TMEM170A: variants seen among roughly 807,000 people sequenced by gnomAD.
TMEM170A encodes transmembrane protein 170.
TMEM170A carries 18 observed loss-of-function variants against 12.8 expected under a neutral mutation model. The observed-to-expected ratio is 1.41, with a 90% CI of 0.97 to 2.09. TMEM170A has a LOEUF of 2.09. Among genes scored for constraint, TMEM170A ranks in the 30% most tolerant of loss-of-function variants. TMEM170A has a pLI of 0.00. For missense variants in TMEM170A, 220 were observed against 179.9 expected (o/e 1.22, Z -1.28); for synonymous variants, 107 against 76.2 (o/e 1.40, Z -2.11).
At chr16:75,462,345 C>T (rs937073305) in intron 1 of TMEM170A, among the ~76,000 whole-genome samples, 1 of 152,146 alleles carries the variant, frequency 6.6e-6, no homozygotes, top group African/African-American at 2.4e-5. Flanking sequence ...TCAGCCTCCC[C>T]AGTAGCTGGG....
intron 2 of TMEM170A, among the ~76,000 whole-genome samples, chr16:75,448,635 G>A (rs1459625277): frequency 1.3e-5 from 2 of 151,958 alleles, no homozygotes; most frequent in African/African-American, 4.8e-5. Flanking sequence ...GTGGTGGCAC[G>A]TGCCTGTAAT....
chr16:75,462,314 G>C (rs2079923008), intron 1 of TMEM170A, among the ~76,000 whole-genome samples: 1 of 152,166 alleles, frequency 6.6e-6, no homozygotes, highest in Admixed American at 6.5e-5. Context: ...CTGCCTCCTG[G>C]GTTCAAGAGA....
chr16:75,463,924 T>G (rs2079949749), intron 1 of TMEM170A, among the ~76,000 whole-genome samples: 1 of 152,038 alleles, frequency 6.6e-6, no homozygotes. Context: ...GAAAGATTCC[T>G]AGAAAGCGGA....
intron 1 of TMEM170A, among the ~76,000 whole-genome samples, chr16:75,454,538 G>A (rs1055672506): frequency 6.6e-6 from 1 of 152,140 alleles, no homozygotes; most frequent in Non-Finnish European, 1.5e-5. Flanking sequence ...GGGAGGCTGA[G>A]GCAGGAGAAT....
At chr16:75,458,520 G>T (rs775401627) in intron 1 of TMEM170A, 1 of 152,230 alleles carries the variant, frequency 6.6e-6, no homozygotes, top group Non-Finnish European at 1.5e-5. Flanking sequence ...CTATGAAGAA[G>T]AAGAGCAGGC....
chr16:75,457,773 C>T (rs1301965748), intron 1 of TMEM170A, among the ~76,000 whole-genome samples: 1 of 152,186 alleles, frequency 6.6e-6, no homozygotes, highest in Non-Finnish European at 1.5e-5. Flanking sequence ...AGGCCAACAC[C>T]TCTCTGAGGT....
chr16:75,457,530 C>T (rs1291182043), intron 1 of TMEM170A, among the ~76,000 whole-genome samples: 1 of 152,182 alleles, frequency 6.6e-6, no homozygotes, highest in African/African-American at 2.4e-5. Flanking sequence ...CATCCTGGCA[C>T]CCTAATCCCA....
intron 1 of TMEM170A, among the ~76,000 whole-genome samples, chr16:75,463,715 C>T (rs372687357): frequency 6.6e-6 from 1 of 152,238 alleles, no homozygotes; most frequent in South Asian, 2.1e-4. Flanking sequence ...CAAAGCTTTT[C>T]TCCTCCTTCC....
chr16:75,464,372 G>T (rs1178566912), intron 1 of TMEM170A, 96 bp downstream of exon 1: 8 of 1,378,728 alleles, frequency 5.8e-6, no homozygotes, highest in South Asian at 1.7e-5. Context: ...CCGCCAGCAG[G>T]CTGCGCACCC....
chr16:75,455,720 G>A (rs1449291299), intron 1 of TMEM170A, among the ~76,000 whole-genome samples: 3 of 152,230 alleles, frequency 2.0e-5, no homozygotes, highest in African/African-American at 7.2e-5. Context: ...CCCGAGAATC[G>A]CTTGAACCCA....
At position 75,455,936 on chromosome 16, in the gene TMEM170A, T is replaced by C. The variant is rs547232331; in HGVS notation, c.134-4097A>G. Among the ~76,000 whole-genome samples the C allele has an allele frequency of 1.1e-4, 17 of 152,316 alleles. No homozygotes were observed. The East Asian group carries it at 3.3e-3, about 29-fold the overall frequency. On this transcript the variant is annotated intron_variant, in intron 1 of 2. Coordinates refer to ENST00000561878, the MANE Select transcript of TMEM170A (RefSeq NM_145254.3). ...GGGAGGAGAGGAGGACCAGAAGCTTTACTGAAGCTGTATTAGCACTGTAAG... is the reference window on the plus strand; with the variant it reads ...GGGAGGAGAGGAGGACCAGAAGCTTCACTGAAGCTGTATTAGCACTGTAAG...
At chr16:75,464,414 C>A (rs2079961420) in intron 1 of TMEM170A, 54 bp downstream of exon 1, 2 of 1,395,484 alleles carry the variant, frequency 1.4e-6, no homozygotes, top group Non-Finnish European at 9.3e-7. Context: ...GCGCCCACAG[C>A]ACGGCAGCGG....
intron 1 of TMEM170A, among the ~76,000 whole-genome samples, chr16:75,463,648 C>T (rs1334598106): frequency 6.6e-6 from 1 of 152,252 alleles, no homozygotes; most frequent in Non-Finnish European, 1.5e-5. Context: ...CCTTCCAGGG[C>T]CACGGGCTCT....
intron 1 of TMEM170A, chr16:75,458,886 G>C (rs2079848057): frequency 6.6e-6 from 1 of 152,090 alleles, no homozygotes; most frequent in African/African-American, 2.4e-5. Context: ...TATTTTTACA[G>C]AGACATATCT....
chr16:75,453,162 G>A (rs547691495), intron 1 of TMEM170A, among the ~76,000 whole-genome samples: 65 of 152,246 alleles, frequency 4.3e-4, no homozygotes, highest in African/African-American at 1.3e-3. Flanking sequence ...AACTGGGCAC[G>A]GCAGCTCACG....
intron 1 of TMEM170A, among the ~76,000 whole-genome samples, chr16:75,456,721 T>C (rs954621299): frequency 1.3e-5 from 2 of 152,340 alleles, no homozygotes; most frequent in Middle Eastern, 6.8e-3. Context: ...TGCATCTGGA[T>C]ACTGCTCCTC....
rs946329208 is a variant in TMEM170A at position 75,444,563 on chromosome 16, A to G, written c.*2995T>C. 2.1e-4 allele frequency: 32 copies of G among 152,302 alleles called. No homozygotes were observed. The highest frequency in any genetic ancestry group is 7.5e-4 in the African/African-American group (31 of 41,588). 9.4% of individuals were successfully genotyped at this position (152,302 alleles called of 1,614,324 possible). A position where few individuals can be genotyped will look rare whatever the true frequency, so the allele number is the denominator to read the frequency against. On this transcript the variant is annotated 3_prime_UTR_variant, in exon 3 of 3. Transcript: ENST00000561878. ...TATATAAGGTAAAATGTTCAACACA[A>G]TTGCCAATATTCTTCCATCTGAGTG...
At chr16:75,454,562 G>A (rs1456692699) in intron 1 of TMEM170A, among the ~76,000 whole-genome samples, 20 of 152,108 alleles carry the variant, frequency 1.3e-4, no homozygotes, top group African/African-American at 4.6e-4. Flanking sequence ...TTGAACCCAG[G>A]AGGCAGAGGT....
Position 75,445,361 on chromosome 16 carries a change from G to C in TMEM170A, c.*2197C>G, listed in dbSNP as rs991731582. 3 of 152,226 alleles carry C rather than the reference G, an allele frequency of 2.0e-5. No individual in the cohort carries two copies. Among genetic ancestry groups the C allele is most frequent in the African/African-American group, 7.2e-5 (3 of 41,454 alleles). 9.4% of individuals were successfully genotyped at this position (152,226 alleles called of 1,614,324 possible). A position where few individuals can be genotyped will look rare whatever the true frequency, so the allele number is the denominator to read the frequency against. On this transcript the variant is annotated 3_prime_UTR_variant, in exon 3 of 3. Transcript: ENST00000561878. ...GTCTTGCCCTGTGGCCTAAGCTGGA[G>C]TTCAGTGGCGTGGTCTCGGCTCACA...
Sources: allele counts gnomAD v4.1 joint callset (sites outside exome capture counted in the v4.1 genomes callset), GRCh38; gene constraint gnomAD v4.1.1; transcripts MANE v1.5; gene names NCBI Gene and HGNC (gene_info 2026-07-23, HGNC 2026-07-21).